Variants in GRIK4 observed in about 807,000 individuals in gnomAD.
GRIK4 encodes the protein glutamate receptor ionotropic, kainate 4.
A neutral mutation model predicts 104.9 loss-of-function variants in GRIK4; 40 were observed. The observed-to-expected ratio is 0.38, with a 90% CI of 0.30 to 0.50. The LOEUF (loss-of-function observed/expected upper bound fraction) is 0.50. Among genes scored for constraint, GRIK4 ranks in the 20% least tolerant of loss-of-function variants. The probability of loss-of-function intolerance (pLI) is 0.93; values close to 1 mark genes in which losing one functional copy is unlikely to be tolerated. For synonymous variants in GRIK4, 485 were observed against 524.9 expected, an observed-to-expected ratio of 0.92 and a Z score of 1.04; for missense variants, 1,047 against 1,308.1, an observed-to-expected ratio of 0.80 and a Z score of 3.08.
At chr11:120,705,301 G>A (rs1433973128) in intron 3 of GRIK4, among the ~76,000 whole-genome samples, 6 of 150,004 alleles carry the variant, frequency 4.0e-5, no homozygotes, top group Non-Finnish European at 8.9e-5. Flanking sequence ...GCACAATCTC[G>A]GCTCACTACT....
intron 11 of GRIK4, among the ~76,000 whole-genome samples, chr11:120,882,509 T>G (rs934387783): frequency 6.6e-6 from 1 of 152,014 alleles, no homozygotes; most frequent in Non-Finnish European, 1.5e-5. Flanking sequence ...GACTTTGCCT[T>G]TGATGAGGAA....
At chr11:120,959,620 G>A (rs552145882) in intron 16 of GRIK4, among the ~76,000 whole-genome samples, 2 of 152,182 alleles carry the variant, frequency 1.3e-5, no homozygotes, top group African/African-American at 2.4e-5. Context: ...ATGGGAGAAG[G>A]CTTGTTTAAC....
intron 3 of GRIK4, among the ~76,000 whole-genome samples, chr11:120,763,836 C>T (rs1951789597): frequency 6.6e-6 from 1 of 152,134 alleles, no homozygotes; most frequent in Admixed American, 6.5e-5. Context: ...CATTCTTTTG[C>T]ATTTGCTGAG....
chr11:120,749,403 A>G (rs1951505172), intron 3 of GRIK4, among the ~76,000 whole-genome samples: 2 of 152,208 alleles, frequency 1.3e-5, no homozygotes, highest in Non-Finnish European at 2.9e-5. Flanking sequence ...GAGAGCCTCT[A>G]TCTGCCCAGC....
intron 1 of GRIK4, among the ~76,000 whole-genome samples, chr11:120,578,785 T>C (rs930004476): frequency 1.3e-5 from 2 of 152,208 alleles, no homozygotes; most frequent in Non-Finnish European, 2.9e-5. Context: ...GCCCCTGGTT[T>C]CTGGTAACAC....
chr11:120,527,881 T>C (rs1438652649), intron 1 of GRIK4, among the ~76,000 whole-genome samples: 1 of 152,250 alleles, frequency 6.6e-6, no homozygotes, highest in Non-Finnish European at 1.5e-5. Flanking sequence ...CTGGGAGGCC[T>C]GCTCTGGTTA....
chr11:120,650,149 C>T (rs908766594), intron 1 of GRIK4, among the ~76,000 whole-genome samples: 4 of 152,210 alleles, frequency 2.6e-5, no homozygotes, highest in Non-Finnish European at 5.9e-5. Context: ...CTCTGCCTAC[C>T]TCCCTTTCAG....
chr11:120,761,898 G>A (rs189474420), intron 3 of GRIK4, among the ~76,000 whole-genome samples: 13 of 152,162 alleles, frequency 8.5e-5, no homozygotes, highest in Non-Finnish European at 1.5e-4. Context: ...CTCCAGCTTT[G>A]TTCTTTTTGC....
At chr11:120,671,222 A>G (rs1452147584) in intron 3 of GRIK4, among the ~76,000 whole-genome samples, 2 of 152,144 alleles carry the variant, frequency 1.3e-5, no homozygotes, top group Admixed American at 1.3e-4. Flanking sequence ...ATACCCAGTA[A>G]TGGGATTACT....
At chr11:120,852,477 G>T (rs1299275545) in intron 8 of GRIK4, among the ~76,000 whole-genome samples, 1 of 152,242 alleles carries the variant, frequency 6.6e-6, no homozygotes, top group East Asian at 1.9e-4. Context: ...CTCATGTTGG[G>T]AAAGAAGAGC....
intron 1 of GRIK4, among the ~76,000 whole-genome samples, chr11:120,635,002 G>A (rs919284141): frequency 1.3e-5 from 2 of 152,176 alleles, no homozygotes; most frequent in Non-Finnish European, 2.9e-5. Flanking sequence ...ACAGACCAGG[G>A]AGGCCAGAGG....
intron 3 of GRIK4, among the ~76,000 whole-genome samples, chr11:120,730,697 C>T (rs1287551567): frequency 6.6e-6 from 1 of 152,100 alleles, no homozygotes; most frequent in African/African-American, 2.4e-5. Context: ...AATCAATGAA[C>T]ATGAAACATC....
At chr11:120,936,353 G>A (rs1353535279) in intron 13 of GRIK4, 17 of 477,564 alleles carry the variant, frequency 3.6e-5, no homozygotes, top group South Asian at 2.6e-4. Context: ...AGAACAAGAT[G>A]AAGGTCAAAG....
intron 3 of GRIK4, among the ~76,000 whole-genome samples, chr11:120,767,530 G>C (rs116637165): frequency 0.02 from 3,100 of 152,008 alleles, 98 homozygotes; most frequent in African/African-American, 0.07. Context: ...TTATTTTGCT[G>C]TACAGAAGCT....
chr11:120,909,110 G>T (rs1942936972), intron 13 of GRIK4, among the ~76,000 whole-genome samples: 1 of 152,252 alleles, frequency 6.6e-6, no homozygotes, highest in South Asian at 2.1e-4. Context: ...AGGCCAGCAG[G>T]CAGAGCACCA....
intron 1 of GRIK4, among the ~76,000 whole-genome samples, chr11:120,634,410 C>A (rs1251974141): frequency 2.6e-5 from 4 of 152,130 alleles, no homozygotes; most frequent in African/African-American, 9.7e-5. Context: ...ACCACCCCGC[C>A]ACCATCCCGT....
chr11:120,708,378 C>T (rs1950664719), intron 3 of GRIK4, among the ~76,000 whole-genome samples: 3 of 152,010 alleles, frequency 2.0e-5, no homozygotes, highest in African/African-American at 7.3e-5. Flanking sequence ...AAATACATCC[C>T]CTCCCACCTC....
chr11:120,805,061 C>T (rs925195376), intron 4 of GRIK4, among the ~76,000 whole-genome samples: 5 of 143,470 alleles, frequency 3.5e-5, no homozygotes, highest in African/African-American at 1.5e-4. Context: ...TATTCTAGGC[C>T]ATGGGGATTC....
intron 1 of GRIK4, among the ~76,000 whole-genome samples, chr11:120,610,679 G>A (rs1211901036): frequency 6.6e-6 from 1 of 152,194 alleles, no homozygotes; most frequent in African/African-American, 2.4e-5. Flanking sequence ...GGTCTGCGGA[G>A]CTCACTCTAA....
Sources: allele counts gnomAD v4.1 joint callset (sites outside exome capture counted in the v4.1 genomes callset), GRCh38; gene constraint gnomAD v4.1.1; transcripts MANE v1.5; gene names NCBI Gene and HGNC (gene_info 2026-07-23, HGNC 2026-07-21).